The following RUNDC3B variants were observed in gnomAD, a reference collection of about 807,000 sequenced individuals.
RUNDC3B encodes RUN domain containing 3B, also known as RUN domain-containing protein 3B.
A neutral mutation model predicts 58.4 loss-of-function variants in RUNDC3B; 33 were observed. The observed-to-expected ratio is 0.56, with a 90% CI of 0.43 to 0.75. RUNDC3B has a LOEUF of 0.75. Ranked by LOEUF, RUNDC3B falls within the 30% of genes least tolerant of loss-of-function variation. The pLI is 0.00. For synonymous variants in RUNDC3B, 193 were observed against 195.2 expected, an observed-to-expected ratio of 0.99 and a Z score of 0.10; for missense variants, 501 against 535.7, an observed-to-expected ratio of 0.94 and a Z score of 0.64.
intron 10 of RUNDC3B, among the ~76,000 whole-genome samples, chr7:87,821,836 A>G (rs1452024919): frequency 1.3e-5 from 2 of 152,210 alleles, no homozygotes; most frequent in Admixed American, 6.5e-5. Flanking sequence ...CTGGCTAGCC[A>G]TATGTAGAAA....
At chr7:87,804,040 A>G (rs1226452014) in intron 8 of RUNDC3B, among the ~76,000 whole-genome samples, 2 of 152,172 alleles carry the variant, frequency 1.3e-5, no homozygotes, top group Non-Finnish European at 2.9e-5. Flanking sequence ...AGATCCATAA[A>G]ACATTAAAAT....
chr7:87,792,488 A>C lies in RUNDC3B; in HGVS notation c.956+14533A>C, dbSNP rs182266973. Among the ~76,000 whole-genome samples, 6 of 152,222 alleles carry C rather than the reference A, an allele frequency of 3.9e-5. No homozygotes were observed. In the East Asian group the frequency reaches 5.8e-4, roughly 15 times the overall value. ...TCACAAAACAAGTCTTAAAACATTC[A>C]AAAAAATTGAAATAATATCAAGCAT... On this transcript the variant is annotated intron_variant, in intron 8 of 10. Transcript: ENST00000394654.
intron 6 of RUNDC3B, among the ~76,000 whole-genome samples, chr7:87,757,016 T>C (rs1363079937): frequency 6.6e-6 from 1 of 152,018 alleles, no homozygotes; most frequent in Non-Finnish European, 1.5e-5. Context: ...CAAAGAAAAA[T>C]AGATAAAATA....
At chr7:87,652,466 A>C (rs1823670472) in intron 2 of RUNDC3B, among the ~76,000 whole-genome samples, 1 of 151,976 alleles carries the variant, frequency 6.6e-6, no homozygotes, top group Non-Finnish European at 1.5e-5. Context: ...GAATAATACT[A>C]TAATGCAAAT....
chr7:87,802,663 A>G (rs1836232989), intron 8 of RUNDC3B, among the ~76,000 whole-genome samples: 2 of 152,346 alleles, frequency 1.3e-5, no homozygotes, highest in South Asian at 4.1e-4. Flanking sequence ...AAAATATCTC[A>G]TGTAACTCAT....
At chr7:87,645,767 A>G (rs1822942288) in intron 1 of RUNDC3B, among the ~76,000 whole-genome samples, 1 of 152,136 alleles carries the variant, frequency 6.6e-6, no homozygotes, top group Non-Finnish European at 1.5e-5. Context: ...GATTCTCATT[A>G]CTCTGGCATA....
chr7:87,798,391 T>A (rs1835927845), intron 8 of RUNDC3B, among the ~76,000 whole-genome samples: 1 of 152,178 alleles, frequency 6.6e-6, no homozygotes, highest in African/African-American at 2.4e-5. Context: ...ACACTTCTTG[T>A]TTGTTTTGTT....
intron 2 of RUNDC3B, among the ~76,000 whole-genome samples, chr7:87,667,937 T>C (rs997111632): frequency 2.6e-5 from 4 of 152,152 alleles, no homozygotes; most frequent in Non-Finnish European, 4.4e-5. Flanking sequence ...GATATCAGCC[T>C]GAAATTTTCT....
chr7:87,756,365 A>T (rs979601717), intron 6 of RUNDC3B, among the ~76,000 whole-genome samples: 23 of 152,106 alleles, frequency 1.5e-4, no homozygotes, highest in African/African-American at 5.3e-4. Context: ...AAAGGCCAAA[A>T]AGTTAGAATA....
chr7:87,792,076 A>G (rs1048892132), intron 8 of RUNDC3B, among the ~76,000 whole-genome samples: 1 of 152,168 alleles, frequency 6.6e-6, no homozygotes, highest in African/African-American at 2.4e-5. Flanking sequence ...CTATACTTAT[A>G]TCAGACAAAA....
Position 87,829,978 on chromosome 7 carries a change from A to G in RUNDC3B, c.1319A>G (p.Tyr440Cys). The change falls in exon 11 of 11, where the codon TAC becomes TGC. Residue 440 changes from tyrosine to cysteine, a missense_variant. By Grantham distance (194) the Tyr-to-Cys change is radical. Transcript: ENST00000394654. ...CTAACAAGCTTAAAATCTAATGACT[A>G]CCTTGCAAGTCCTACAACAGAGATG... Reference protein sequence around the residue: ...KSLTSLKSNDYLASPTTEMTS... With the variant: ...KSLTSLKSNDCLASPTTEMTS... 6.2e-7 allele frequency: 1 copy of G among 1,609,722 alleles called. No homozygotes were observed. The highest frequency in any genetic ancestry group is 8.5e-7 in the Non-Finnish European group (1 of 1,177,674).
chr7:87,629,089 C>T (rs1820928015), intron 1 of RUNDC3B, 144 bp downstream of exon 1: 2 of 777,164 alleles, frequency 2.6e-6, no homozygotes, highest in Non-Finnish European at 3.6e-6. Context: ...TCTGTGAGCG[C>T]GCAGCTCCTT....
chr7:87,700,637 C>G, intron 3 of RUNDC3B, 83 bp downstream of exon 3: 1 of 1,273,624 alleles, frequency 7.9e-7, no homozygotes, highest in Middle Eastern at 1.9e-4. Flanking sequence ...AAGCTACTTA[C>G]TATGAATTTC....
chr7:87,723,210 C>T (rs573345176), intron 4 of RUNDC3B, among the ~76,000 whole-genome samples: 1 of 151,992 alleles, frequency 6.6e-6, no homozygotes, highest in African/African-American at 2.4e-5. Context: ...AGACAAATAC[C>T]TAATAAGTAC....
chr7:87,814,396 G>A (rs1836913173), intron 9 of RUNDC3B, among the ~76,000 whole-genome samples: 2 of 151,998 alleles, frequency 1.3e-5, no homozygotes, highest in Non-Finnish European at 1.5e-5. Context: ...CACCACGCCC[G>A]GCCGGAGAAT....
chr7:87,646,793 A>C (rs1248824567), intron 1 of RUNDC3B, among the ~76,000 whole-genome samples: 1 of 152,176 alleles, frequency 6.6e-6, no homozygotes, highest in African/African-American at 2.4e-5. Flanking sequence ...GTAGGAAATA[A>C]AAGTTTTCAA....
At chr7:87,696,364 A>G (rs1828493270) in intron 2 of RUNDC3B, among the ~76,000 whole-genome samples, 2 of 152,078 alleles carry the variant, frequency 1.3e-5, no homozygotes, top group Admixed American at 1.3e-4. Context: ...TTTGTTTTTA[A>G]ATTTTCCTGT....
At chr7:87,750,163 A>G (rs1223698200) in intron 6 of RUNDC3B, among the ~76,000 whole-genome samples, 2 of 152,154 alleles carry the variant, frequency 1.3e-5, no homozygotes, top group African/African-American at 4.8e-5. Context: ...TTTACTGAGA[A>G]TGATGATTTC....
intron 10 of RUNDC3B, among the ~76,000 whole-genome samples, chr7:87,828,365 C>T (rs955759933): frequency 5.3e-5 from 8 of 152,082 alleles, no homozygotes; most frequent in Non-Finnish European, 2.9e-5. Flanking sequence ...TCCACCCTTG[C>T]CCCCCACCAC....
Sources: allele counts gnomAD v4.1 joint callset (sites outside exome capture counted in the v4.1 genomes callset), GRCh38; gene constraint gnomAD v4.1.1; transcripts MANE v1.5; gene names NCBI Gene and HGNC (gene_info 2026-07-23, HGNC 2026-07-21).